Variants in OSBPL9 observed in about 807,000 individuals in gnomAD.
The protein encoded by OSBPL9 is oxysterol-binding protein-related protein 9.
In OSBPL9, 40 loss-of-function variants were observed where a neutral mutation model predicts 106.6. The observed-to-expected ratio is 0.38, with a 90% CI of 0.29 to 0.49. The LOEUF (loss-of-function observed/expected upper bound fraction) is 0.49. OSBPL9 is among the 20% of genes least tolerant of loss of function. The probability of loss-of-function intolerance (pLI) is 0.97; values close to 1 mark genes in which losing one functional copy is unlikely to be tolerated. For synonymous variants in OSBPL9, 269 were observed against 295.4 expected (o/e 0.91, Z 0.92); for missense variants, 609 against 887.2 (o/e 0.69, Z 3.98).
At chr1:51,758,356 T>C (rs1456863668) in intron 9 of OSBPL9, among the ~76,000 whole-genome samples, 1 of 151,490 alleles carries the variant, frequency 6.6e-6, no homozygotes, top group Non-Finnish European at 1.5e-5. Flanking sequence ...TACTTTTCTT[T>C]TAAGGGTTAA....
At chr1:51,588,866 T>G (rs1376992960) in intron 1 of OSBPL9, among the ~76,000 whole-genome samples, 2 of 152,140 alleles carry the variant, frequency 1.3e-5, no homozygotes, top group Non-Finnish European at 2.9e-5. Flanking sequence ...ATGTGCCTGA[T>G]CCAGGCACTT....
At chr1:51,650,376 A>G (rs1421017076) in intron 1 of OSBPL9, among the ~76,000 whole-genome samples, 2 of 152,150 alleles carry the variant, frequency 1.3e-5, no homozygotes, top group African/African-American at 4.8e-5. Context: ...AAATCTAATT[A>G]TTATTTTTGT....
chr1:51,594,267 C>T (rs866468885), intron 1 of OSBPL9, among the ~76,000 whole-genome samples: 9 of 151,798 alleles, frequency 5.9e-5, no homozygotes, highest in Non-Finnish European at 8.8e-5. Context: ...AATAAATAGC[C>T]GGGCGTGGTG....
At chr1:51,654,645 T>TG (rs1646714698) in intron 2 of OSBPL9, among the ~76,000 whole-genome samples, 1 of 152,028 alleles carries the variant, frequency 6.6e-6, no homozygotes. Context: ...AGCCAAGAGG[T>TG]GGAAAGGATC....
At chr1:51,726,498 CATT>C (rs1389092524) in intron 4 of OSBPL9, among the ~76,000 whole-genome samples, 25 of 152,182 alleles carry the variant, frequency 1.6e-4, no homozygotes, top group African/African-American at 5.8e-4. Flanking sequence ...TCTAGGTAAA[CATT>C]ATTGGGCTCC....
At position 51,785,686 on chromosome 1, in the gene OSBPL9, C is replaced by T. The variant is rs1004764974; in HGVS notation, c.1830-122C>T. ...TGGGGAGTCCAGTTCTGTTAAGATG[C>T]TTTCATCAAAAACTTCACAGTTGCT... On this transcript the variant is annotated intron_variant, in intron 20 of 23. Transcript: ENST00000428468. 1.9e-4 allele frequency: 146 copies of T among 759,540 alleles called. 5 individuals carry two copies. The South Asian group carries it at 2.3e-3, about 12-fold the overall frequency. The allele number at this position is 759,540 out of a possible 1,614,324, so 47.1% of individuals were successfully genotyped here.
chr1:51,668,723 T>G (rs1456209781), intron 2 of OSBPL9, among the ~76,000 whole-genome samples: 1 of 152,156 alleles, frequency 6.6e-6, no homozygotes, highest in Non-Finnish European at 1.5e-5. Context: ...AGTTCCCCAT[T>G]GTGTGTGCCT....
At chr1:51,588,363 C>CA (rs1314153637) in intron 1 of OSBPL9, among the ~76,000 whole-genome samples, 1 of 152,136 alleles carries the variant, frequency 6.6e-6, no homozygotes, top group Non-Finnish European at 1.5e-5. Flanking sequence ...GCCTGGGCAA[C>CA]AAGAGCAAAA....
At chr1:51,776,780 G>C in intron 14 of OSBPL9, 53 bp from the exon 15 acceptor site, 1 of 1,079,060 alleles carries the variant, frequency 9.3e-7, no homozygotes, top group Non-Finnish European at 1.4e-6. Flanking sequence ...TTTTTAGTCT[G>C]TTTATCTGAA....
the OSBPL9 span, among the ~76,000 whole-genome samples, chr1:51,552,977 AC>A: frequency 1.2e-4 from 18 of 151,648 alleles, no homozygotes; most frequent in South Asian, 2.1e-4. Context: ...AAAAAAAAAA[AC>A]AAACTTTTTT....
chr1:51,606,044 A>G (rs1233840543), intron 2 of OSBPL9, among the ~76,000 whole-genome samples: 1 of 152,172 alleles, frequency 6.6e-6, no homozygotes, highest in East Asian at 1.9e-4. Context: ...AAGGAAAGAA[A>G]GAAAGAAATA....
At chr1:51,780,542 G>A (rs1676128794) in intron 15 of OSBPL9, among the ~76,000 whole-genome samples, 1 of 152,170 alleles carries the variant, frequency 6.6e-6, no homozygotes. Context: ...GCCATAAAAA[G>A]GAACGAAATA....
chr1:51,583,596 G>A (rs932503978), intron 1 of OSBPL9: 1 of 152,238 alleles, frequency 6.6e-6, no homozygotes, highest in Non-Finnish European at 1.5e-5. Context: ...AAGGCCAGCT[G>A]GATCAGGCCT....
At chr1:51,590,778 C>T (rs1382372012) in intron 1 of OSBPL9, among the ~76,000 whole-genome samples, 1 of 151,800 alleles carries the variant, frequency 6.6e-6, no homozygotes, top group Admixed American at 6.6e-5. Context: ...GAGACAGGGT[C>T]TCTCTTTGTT....
chr1:51,591,614 G>T (rs528268870), intron 1 of OSBPL9, among the ~76,000 whole-genome samples: 1 of 152,116 alleles, frequency 6.6e-6, no homozygotes, highest in Non-Finnish European at 1.5e-5. Context: ...CAAAAGCAGC[G>T]TGGCCAACAT....
At chr1:51,770,771 G>A (rs537017175) in intron 12 of OSBPL9, among the ~76,000 whole-genome samples, 6 of 152,244 alleles carry the variant, frequency 3.9e-5, no homozygotes, top group East Asian at 1.9e-4. Context: ...GGGCAAACTA[G>A]AATAACATAA....
intron 15 of OSBPL9, 49 bp from the exon 16 acceptor site, chr1:51,781,115 G>A (rs758947598): frequency 1.9e-6 from 3 of 1,579,280 alleles, no homozygotes; most frequent in East Asian, 2.2e-5. Context: ...GCATCATCTT[G>A]TCTTGTACCA....
chr1:51,776,333 C>T (rs906756641), intron 14 of OSBPL9, among the ~76,000 whole-genome samples: 14 of 152,046 alleles, frequency 9.2e-5, no homozygotes, highest in Admixed American at 7.2e-4. Flanking sequence ...GCACACACGC[C>T]CCAAACTCAG....
chr1:51,710,393 A>C (rs939164305), intron 3 of OSBPL9, among the ~76,000 whole-genome samples: 2 of 151,592 alleles, frequency 1.3e-5, no homozygotes, highest in Middle Eastern at 3.4e-3. Context: ...GCCAGAAAAA[A>C]CCCCCATAAG....
Sources: allele counts gnomAD v4.1 joint callset (sites outside exome capture counted in the v4.1 genomes callset), GRCh38; gene constraint gnomAD v4.1.1; transcripts MANE v1.5; gene names NCBI Gene and HGNC (gene_info 2026-07-23, HGNC 2026-07-21).